LDB2: variants seen among roughly 807,000 people sequenced by gnomAD.
The protein encoded by LDB2 is LIM domain binding 2, also known as LIM domain-binding protein 2.
In LDB2, 12 loss-of-function variants were observed where a neutral mutation model predicts 44.3. The ratio of observed to expected loss-of-function variants is 0.27; its 90% CI spans 0.17 to 0.44. The LOEUF (loss-of-function observed/expected upper bound fraction) is 0.44. Among genes scored for constraint, LDB2 ranks in the 20% least tolerant of loss-of-function variants. LDB2 has a pLI of 1.00. For synonymous variants in LDB2, 164 were observed against 174.8 expected (o/e 0.94, Z 0.49); for missense variants, 344 against 473.5 (o/e 0.73, Z 2.54).
intron 3 of LDB2, among the ~76,000 whole-genome samples, chr4:16,592,275 A>G (rs1458498487): frequency 6.6e-6 from 1 of 152,036 alleles, no homozygotes; most frequent in Non-Finnish European, 1.5e-5. Context: ...TGCATAATAC[A>G]ATGATTCTCA....
At chr4:16,679,506 T>C (rs573310299) in intron 2 of LDB2, among the ~76,000 whole-genome samples, 2 of 152,326 alleles carry the variant, frequency 1.3e-5, no homozygotes, top group South Asian at 4.1e-4. Flanking sequence ...GGTACTACTG[T>C]TGTTACTCTC....
At chr4:16,677,596 A>G (rs1746658400) in intron 2 of LDB2, among the ~76,000 whole-genome samples, 1 of 152,164 alleles carries the variant, frequency 6.6e-6, no homozygotes, top group African/African-American at 2.4e-5. Flanking sequence ...AAAGGATCCA[A>G]TAGCTTACTA....
intron 2 of LDB2, among the ~76,000 whole-genome samples, chr4:16,650,826 T>C (rs73236899): frequency 0.01 from 1,548 of 152,352 alleles, 17 homozygotes; most frequent in Non-Finnish European, 0.015. Flanking sequence ...CACTGAAGAC[T>C]GTCATATCAA....
At chr4:16,516,116 C>T (rs1004989448) in intron 5 of LDB2, among the ~76,000 whole-genome samples, 3 of 151,998 alleles carry the variant, frequency 2.0e-5, no homozygotes, top group Admixed American at 1.3e-4. Flanking sequence ...CTGCCCACCT[C>T]GACCTCCCAA....
Position 16,898,543 on chromosome 4 carries a change from A to ACGTTCTTCC in LDB2, c.-59_-58insGGAAGAACG. ...AGTATCAGTAACGTCCATGCAGAGCACATGGGCTGTGTTCTTCCCAGTACA... is the reference window on the plus strand; with the variant it reads ...AGTATCAGTAACGTCCATGCAGAGCACGTTCTTCCCATGGGCTGTGTTCTTCCCAGTACA... On this transcript the variant is annotated 5_prime_UTR_variant, in exon 1 of 8. Transcript: ENST00000304523. The ACGTTCTTCC allele has an allele frequency of 6.3e-7, 1 of 1,585,688 alleles. No homozygotes were observed. Among genetic ancestry groups the ACGTTCTTCC allele is most frequent in the Non-Finnish European group, 8.6e-7 (1 of 1,158,790 alleles).
Position 16,501,688 on chromosome 4 carries a change from A to T in LDB2, c.*955T>A, listed in dbSNP as rs949537215. 1 of 152,652 alleles carries T rather than the reference A, an allele frequency of 6.6e-6. No homozygotes were observed. Among genetic ancestry groups the T allele is most frequent in the Admixed American group, 6.5e-5 (1 of 15,278 alleles). 9.5% of individuals were successfully genotyped at this position (152,652 alleles called of 1,614,324 possible). A position where few individuals can be genotyped will look rare whatever the true frequency, so the allele number is the denominator to read the frequency against. Reference sequence around the variant, plus strand: ...AAATGGAAAAATTAATTCTCTTATAAAGTTTCACATAAATACACTGGAGTT... The same window carrying T: ...AAATGGAAAAATTAATTCTCTTATATAGTTTCACATAAATACACTGGAGTT... On this transcript the variant is annotated 3_prime_UTR_variant, in exon 8 of 8. Transcript: ENST00000304523.
intron 2 of LDB2, among the ~76,000 whole-genome samples, chr4:16,664,384 T>C (rs1027785): frequency 0.56 from 85,207 of 151,954 alleles, 24,252 homozygotes; most frequent in Middle Eastern, 0.68. Context: ...ACCCAGTTTA[T>C]GGTATTTTGT....
At chr4:16,549,089 C>G (rs913242305) in intron 5 of LDB2, among the ~76,000 whole-genome samples, 1 of 152,144 alleles carries the variant, frequency 6.6e-6, no homozygotes, top group Non-Finnish European at 1.5e-5. Flanking sequence ...CTGGTGTAGG[C>G]CATTCTCCTG....
chr4:16,759,702 A>C (rs1339697237), intron 1 of LDB2, among the ~76,000 whole-genome samples: 1 of 152,210 alleles, frequency 6.6e-6, no homozygotes, highest in African/African-American at 2.4e-5. Context: ...TTTAATCAAC[A>C]GAGATGTTCC....
chr4:16,591,558 A>G (rs1250355637), intron 3 of LDB2, among the ~76,000 whole-genome samples: 5 of 152,296 alleles, frequency 3.3e-5, no homozygotes, highest in African/African-American at 1.2e-4. Flanking sequence ...ATGAAAGGAC[A>G]GAGGAGGATT....
At chr4:16,681,669 C>T (rs1747943941) in intron 2 of LDB2, among the ~76,000 whole-genome samples, 1 of 128,112 alleles carries the variant, frequency 7.8e-6, no homozygotes, top group African/African-American at 3.0e-5. Flanking sequence ...CTCTGTCACC[C>T]AGGCTGGAGT....
At chr4:16,779,934 GT>G (rs963874702) in intron 1 of LDB2, among the ~76,000 whole-genome samples, 2 of 151,984 alleles carry the variant, frequency 1.3e-5, no homozygotes, top group African/African-American at 2.4e-5. Context: ...TTCTGTATTT[GT>G]TTTTTTGAAA....
intron 1 of LDB2, among the ~76,000 whole-genome samples, chr4:16,787,779 T>C (rs1774784467): frequency 6.6e-6 from 1 of 152,222 alleles, no homozygotes; most frequent in Non-Finnish European, 1.5e-5. Context: ...GGAACACTTT[T>C]TAGTGTCTTG....
intron 1 of LDB2, among the ~76,000 whole-genome samples, chr4:16,828,133 C>A (rs1018021907): frequency 1.3e-5 from 2 of 152,182 alleles, no homozygotes; most frequent in Admixed American, 1.3e-4. Context: ...AGAAGCTCCA[C>A]CTCAGTTCTT....
At chr4:16,690,491 G>A (rs186228801) in intron 2 of LDB2, among the ~76,000 whole-genome samples, 2,641 of 15,020 alleles carry the variant, frequency 0.18, 152 homozygotes, top group Non-Finnish European at 0.32. Flanking sequence ...GGGAGGGAGG[G>A]AGGGAGGGAG....
intron 1 of LDB2, among the ~76,000 whole-genome samples, chr4:16,878,920 G>A (rs910003996): frequency 5.3e-5 from 8 of 152,076 alleles, no homozygotes; most frequent in South Asian, 2.1e-4. Flanking sequence ...TTTATTTTAC[G>A]CTTTCACAGA....
chr4:16,506,094 T>C, intron 7 of LDB2: 4 of 1,204,400 alleles, frequency 3.3e-6, no homozygotes, highest in Non-Finnish European at 4.6e-6. Context: ...TAGTGGCACA[T>C]GCCTTTGGAC....
chr4:16,578,142 A>G (rs1195132108), intron 5 of LDB2, among the ~76,000 whole-genome samples: 2 of 152,210 alleles, frequency 1.3e-5, no homozygotes, highest in African/African-American at 4.8e-5. Flanking sequence ...ACTCTCCACG[A>G]CTTTGGACTG....
chr4:16,888,802 G>T, intron 1 of LDB2: 1 of 755,318 alleles, frequency 1.3e-6, no homozygotes, highest in Non-Finnish European at 1.6e-6. Flanking sequence ...TCTTTACTTT[G>T]CAATGTAACT....
Sources: gnomAD v4.1 joint callset for allele counts (sites outside exome capture counted in the v4.1 genomes callset) on GRCh38, gnomAD v4.1.1 for gene constraint, MANE v1.5 for transcripts, NCBI Gene and HGNC (gene_info 2026-07-23, HGNC 2026-07-21) for gene names.